Variants in FSTL5 observed in about 807,000 individuals in gnomAD.
FSTL5 encodes the protein follistatin like 5.
In FSTL5, 62 loss-of-function variants were observed where a neutral mutation model predicts 89.1. The observed-to-expected ratio is 0.70, with a 90% CI of 0.57 to 0.86. The LOEUF (loss-of-function observed/expected upper bound fraction) is 0.86. Ranked by LOEUF, FSTL5 falls within the 40% of genes least tolerant of loss-of-function variation. The pLI is 0.00. For missense variants in FSTL5, 1,057 were observed against 1,001.6 expected (o/e 1.06, Z -0.75); for synonymous variants, 383 against 346.2 (o/e 1.11, Z -1.18).
intron 12 of FSTL5, among the ~76,000 whole-genome samples, chr4:161,486,539 G>A (rs1011552943): frequency 2.0e-5 from 3 of 152,176 alleles, no homozygotes; most frequent in African/African-American, 7.2e-5. Flanking sequence ...TATTTTAGTA[G>A]TTTTGCATTG....
intron 4 of FSTL5, among the ~76,000 whole-genome samples, chr4:161,781,957 T>A (rs867093228): frequency 6.6e-6 from 1 of 152,204 alleles, no homozygotes; most frequent in Non-Finnish European, 1.5e-5. Context: ...TTCCACAGTT[T>A]TATCTTTTCT....
chr4:161,946,646 G>T (rs976022884), intron 3 of FSTL5, among the ~76,000 whole-genome samples: 2 of 152,094 alleles, frequency 1.3e-5, no homozygotes, highest in Non-Finnish European at 2.9e-5. Context: ...CCATTCTCCT[G>T]TTAACAATTA....
At chr4:161,427,501 AC>A (rs1366653626) in intron 15 of FSTL5, among the ~76,000 whole-genome samples, 1 of 152,194 alleles carries the variant, frequency 6.6e-6, no homozygotes. Context: ...CTTAGACTCT[AC>A]GTCAGTCTAA....
chr4:161,617,725 C>T (rs1277264721), intron 7 of FSTL5, among the ~76,000 whole-genome samples: 58 of 152,110 alleles, frequency 3.8e-4, no homozygotes, highest in Non-Finnish European at 2.9e-5. Context: ...GATGAAATGA[C>T]ATCTTTAACT....
intron 6 of FSTL5, among the ~76,000 whole-genome samples, chr4:161,736,683 A>C (rs1579057716): frequency 6.6e-6 from 1 of 152,242 alleles, no homozygotes; most frequent in East Asian, 1.9e-4. Flanking sequence ...CTAGAGAGCC[A>C]GGTGAGGGGG....
chr4:161,508,778 A>T (rs1166293728), intron 11 of FSTL5, among the ~76,000 whole-genome samples: 1 of 152,118 alleles, frequency 6.6e-6, no homozygotes, highest in East Asian at 1.9e-4. Flanking sequence ...CATAGCACAG[A>T]TTTGTGAGGT....
intron 1 of FSTL5, among the ~76,000 whole-genome samples, chr4:162,123,668 G>C (rs780272191): frequency 3.9e-5 from 6 of 152,110 alleles, no homozygotes; most frequent in Non-Finnish European, 8.8e-5. Flanking sequence ...AAAGCTACTG[G>C]AACTATTTCA....
chr4:161,876,745 A>G (rs185068027), intron 4 of FSTL5, among the ~76,000 whole-genome samples: 1 of 152,066 alleles, frequency 6.6e-6, no homozygotes, highest in Non-Finnish European at 1.5e-5. Context: ...GTCTCTTTTA[A>G]AAAAAGAGAA....
intron 6 of FSTL5, among the ~76,000 whole-genome samples, chr4:161,687,112 T>C (rs1421674383): frequency 6.6e-6 from 1 of 152,162 alleles, no homozygotes; most frequent in Non-Finnish European, 1.5e-5. Context: ...AAATACAAGA[T>C]TTAAAACAAA....
chr4:161,440,607 T>C (rs933497459), intron 15 of FSTL5, among the ~76,000 whole-genome samples: 1 of 152,142 alleles, frequency 6.6e-6, no homozygotes, highest in Admixed American at 6.6e-5. Context: ...AATGAACACC[T>C]ACTATGATTC....
At chr4:162,040,085 T>A (rs1737891207) in intron 2 of FSTL5, among the ~76,000 whole-genome samples, 1 of 152,062 alleles carries the variant, frequency 6.6e-6, no homozygotes, top group South Asian at 2.1e-4. Context: ...TTTAGCAGGC[T>A]GACTAGTTGA....
chr4:162,134,533 C>T (rs1307794878), intron 1 of FSTL5, among the ~76,000 whole-genome samples: 8 of 145,212 alleles, frequency 5.5e-5, no homozygotes, highest in Non-Finnish European at 9.4e-5. Flanking sequence ...AACAAAACAA[C>T]TTAATAACTC....
intron 6 of FSTL5, among the ~76,000 whole-genome samples, chr4:161,734,917 G>C (rs576361342): frequency 6.6e-6 from 1 of 151,898 alleles, no homozygotes; most frequent in Non-Finnish European, 1.5e-5. Flanking sequence ...CACCAAGAGA[G>C]CAAGCAACTC....
chr4:161,405,233 CA>C (rs201674182), intron 15 of FSTL5, among the ~76,000 whole-genome samples: 4,482 of 122,810 alleles, frequency 0.036, 172 homozygotes, highest in African/African-American at 0.11. Flanking sequence ...AACTTTGTCT[CA>C]AAAAAAAAAA....
chr4:161,916,622 A>G (rs1448987186), intron 4 of FSTL5, among the ~76,000 whole-genome samples: 2 of 152,208 alleles, frequency 1.3e-5, no homozygotes, highest in Non-Finnish European at 2.9e-5. Flanking sequence ...TTATTTCATA[A>G]TCAAATAAAT....
intron 2 of FSTL5, among the ~76,000 whole-genome samples, chr4:162,109,685 G>A (rs1379549983): frequency 6.6e-6 from 1 of 151,876 alleles, no homozygotes; most frequent in South Asian, 2.1e-4. Context: ...CATTAAAACC[G>A]GTGGTATGAT....
At chr4:161,722,806 T>C (rs1739261236) in intron 6 of FSTL5, among the ~76,000 whole-genome samples, 1 of 152,186 alleles carries the variant, frequency 6.6e-6, no homozygotes, top group African/African-American at 2.4e-5. Flanking sequence ...ATATGCTAAA[T>C]GTCACTAGAA....
chr4:161,838,598 A>T (rs1166020069), intron 4 of FSTL5, among the ~76,000 whole-genome samples: 1 of 152,084 alleles, frequency 6.6e-6, no homozygotes, highest in African/African-American at 2.4e-5. Context: ...ATGTTTTCTT[A>T]TTCCTAAATT....
intron 3 of FSTL5, among the ~76,000 whole-genome samples, chr4:161,983,521 T>C (rs1560952022): frequency 6.6e-6 from 1 of 152,174 alleles, no homozygotes; most frequent in African/African-American, 2.4e-5. Context: ...GAAGTATAAA[T>C]TAGAGGAATA....
Sources: gnomAD v4.1 joint callset for allele counts (sites outside exome capture counted in the v4.1 genomes callset) on GRCh38, gnomAD v4.1.1 for gene constraint, MANE v1.5 for transcripts, NCBI Gene and HGNC (gene_info 2026-07-23, HGNC 2026-07-21) for gene names.